The following FAM83B variants were observed in gnomAD, a reference collection of about 807,000 sequenced individuals.
The protein encoded by FAM83B is protein FAM83B.
In FAM83B, 26 loss-of-function variants were observed where a neutral mutation model predicts 38.8. The observed-to-expected ratio is 0.67, with a 90% CI of 0.49 to 0.93. FAM83B has a LOEUF of 0.93. Among genes scored for constraint, FAM83B ranks in the 40% least tolerant of loss-of-function variants. The pLI is 0.00. For missense variants in FAM83B, 1,237 were observed against 1,197.3 expected, an observed-to-expected ratio of 1.03 and a Z score of -0.49; for synonymous variants, 419 against 423.1, an observed-to-expected ratio of 0.99 and a Z score of 0.12.
chr6:54,917,927 A>AT (rs1456703059), intron 2 of FAM83B, among the ~76,000 whole-genome samples: 18 of 152,188 alleles, frequency 1.2e-4, no homozygotes, highest in Admixed American at 8.5e-4. Context: ...TTTACTCTGA[A>AT]TTTTGATCCT....
intron 1 of FAM83B, among the ~76,000 whole-genome samples, chr6:54,863,393 G>C (rs1188756846): frequency 6.6e-6 from 1 of 152,134 alleles, no homozygotes; most frequent in East Asian, 1.9e-4. Context: ...AGTCCACATA[G>C]AAACCCTTCG....
At chr6:54,917,712 A>G (rs931061991) in intron 2 of FAM83B, among the ~76,000 whole-genome samples, 1 of 152,166 alleles carries the variant, frequency 6.6e-6, no homozygotes, top group South Asian at 2.1e-4. Flanking sequence ...AAAATGACCA[A>G]TTACACATTC....
At chr6:54,872,021 G>A (rs1483804464) in intron 2 of FAM83B, among the ~76,000 whole-genome samples, 1 of 152,084 alleles carries the variant, frequency 6.6e-6, no homozygotes, top group African/African-American at 2.4e-5. Flanking sequence ...TAACAATAAT[G>A]TAGAGAGACA....
In FAM83B at chr6:54,942,030, A is replaced by G. The variant is rs1773717273; in HGVS notation, c.*23A>G. ...TAGCTATTAAAATGCAAAATGAATGAGGCTATCAATATTTGTCCAAAGAAA... is the reference window on the plus strand; with the variant it reads ...TAGCTATTAAAATGCAAAATGAATGGGGCTATCAATATTTGTCCAAAGAAA... On this transcript the variant is annotated 3_prime_UTR_variant, in exon 5 of 5. Transcript: ENST00000306858. 1.3e-6 allele frequency: 2 copies of G among 1,571,788 alleles called. No homozygotes were observed. Among genetic ancestry groups the G allele is most frequent in the South Asian group, 2.4e-5 (2 of 82,924 alleles).
intron 2 of FAM83B, among the ~76,000 whole-genome samples, chr6:54,875,931 G>A (rs980343253): frequency 2.6e-5 from 4 of 152,030 alleles, no homozygotes; most frequent in African/African-American, 9.7e-5. Context: ...TCTATTTTAT[G>A]TTTGTTGAAG....
chr6:54,914,588 C>A (rs763244059), intron 2 of FAM83B, among the ~76,000 whole-genome samples: 5 of 152,286 alleles, frequency 3.3e-5, no homozygotes, highest in Non-Finnish European at 5.9e-5. Context: ...CCTTTGCTTT[C>A]ACTCCAGGGT....
intron 2 of FAM83B, among the ~76,000 whole-genome samples, chr6:54,926,020 T>C (rs1050129291): frequency 2.4e-4 from 36 of 152,302 alleles, no homozygotes; most frequent in African/African-American, 7.2e-4. Flanking sequence ...GAAATGCCTC[T>C]TAGAAAAATT....
chr6:54,879,421 A>G (rs779116027), intron 2 of FAM83B, among the ~76,000 whole-genome samples: 3 of 152,190 alleles, frequency 2.0e-5, no homozygotes, highest in Non-Finnish European at 4.4e-5. Flanking sequence ...TTTTCAAACA[A>G]ACTTTTACAG....
chr6:54,916,142 A>G (rs1173163998), intron 2 of FAM83B, among the ~76,000 whole-genome samples: 2 of 152,044 alleles, frequency 1.3e-5, no homozygotes, highest in Admixed American at 6.6e-5. Flanking sequence ...TTCTGCTCCT[A>G]TTCCCCAAAC....
At chr6:54,869,680 T>C (rs758669291) in intron 1 of FAM83B, among the ~76,000 whole-genome samples, 13 of 152,184 alleles carry the variant, frequency 8.5e-5, no homozygotes, top group South Asian at 8.3e-4. Context: ...TTGCTCCATA[T>C]TGATCTCTAC....
In FAM83B at chr6:54,944,680, C is replaced by T. The variant is rs1432969903; in HGVS notation, c.*2673C>T. On this transcript the variant is annotated 3_prime_UTR_variant, in exon 5 of 5. Transcript: ENST00000306858. The stretch of plus-strand genomic sequence containing the variant: ...ACTCAAGATCCACATATTCAAGTAT[C>T]ATTCCACAGATATTCACAGAACACA... 6.6e-6 allele frequency: 1 copy of T among 152,164 alleles called. No homozygotes were observed. The highest frequency in any genetic ancestry group is 1.5e-5 in the Non-Finnish European group (1 of 68,026). 9.4% of individuals were successfully genotyped at this position (152,164 alleles called of 1,614,324 possible).
intron 1 of FAM83B, among the ~76,000 whole-genome samples, chr6:54,866,390 C>T (rs1771706652): frequency 6.6e-6 from 1 of 152,008 alleles, no homozygotes; most frequent in South Asian, 2.1e-4. Context: ...TGTATCGTAA[C>T]CAATATGCTG....
intron 1 of FAM83B, among the ~76,000 whole-genome samples, chr6:54,849,906 C>A (rs1247051866): frequency 6.6e-6 from 1 of 151,516 alleles, no homozygotes; most frequent in African/African-American, 2.4e-5. Context: ...CTGGCAGGGG[C>A]CTATGTTGAA....
intron 1 of FAM83B, among the ~76,000 whole-genome samples, chr6:54,865,426 T>A (rs950733128): frequency 6.6e-6 from 1 of 152,206 alleles, no homozygotes; most frequent in African/African-American, 2.4e-5. Flanking sequence ...TATGACCTCA[T>A]CTTAACTTGA....
intron 2 of FAM83B, among the ~76,000 whole-genome samples, chr6:54,871,145 A>T (rs1373691206): frequency 6.6e-6 from 1 of 152,140 alleles, no homozygotes; most frequent in African/African-American, 2.4e-5. Context: ...TTACTTATCT[A>T]TTTTCCTGAG....
chr6:54,907,376 A>G (rs900158071), intron 2 of FAM83B, among the ~76,000 whole-genome samples: 1 of 146,836 alleles, frequency 6.8e-6, no homozygotes, highest in African/African-American at 2.6e-5. Flanking sequence ...AGCTTTATTA[A>G]ATGTGGCTAA....
At position 54,940,162 on chromosome 6, in the gene FAM83B, G is replaced by A. The variant is rs1449360634; in HGVS notation, c.1191G>A (p.Val397=). 1.2e-6 allele frequency: 2 copies of A among 1,614,014 alleles called. No individual in the cohort carries two copies. Among genetic ancestry groups the A allele is most frequent in the South Asian group, 1.1e-5 (1 of 91,080 alleles). Residue 397 remains valine (V), a synonymous_variant, in exon 5 of 5, where the codon GTG becomes GTA. Coordinates refer to ENST00000306858, the MANE Select transcript of FAM83B (RefSeq NM_001010872.3). The stretch of plus-strand genomic sequence containing the variant: ...ATGCTGGGGAACAGCCAGAAACAGT[G>A]CCATACCTCCTGCTTAATAGGGCTC... ...HSYAGEQPET[V]PYLLLNRALN... is the part of the protein sequence containing the mutation.
chr6:54,861,108 G>C (rs1414349552), intron 1 of FAM83B, among the ~76,000 whole-genome samples: 4 of 152,134 alleles, frequency 2.6e-5, no homozygotes, highest in African/African-American at 9.6e-5. Context: ...TTTTTTAGTA[G>C]TCTCTAGTTT....
intron 2 of FAM83B, among the ~76,000 whole-genome samples, chr6:54,911,979 A>G (rs948494394): frequency 6.6e-6 from 1 of 152,068 alleles, no homozygotes; most frequent in African/African-American, 2.4e-5. Flanking sequence ...ACCACATTTA[A>G]TGTACTGCTC....
Sources: allele counts gnomAD v4.1 joint callset (sites outside exome capture counted in the v4.1 genomes callset), GRCh38; gene constraint gnomAD v4.1.1; transcripts MANE v1.5; gene names NCBI Gene and HGNC (gene_info 2026-07-23, HGNC 2026-07-21).